Variants in SAFB2 observed in about 807,000 individuals in gnomAD.
SAFB2 encodes scaffold attachment factor B2.
Under a neutral mutation model 100.6 loss-of-function variants are expected in SAFB2, and 32 were observed. The observed-to-expected ratio is 0.32, with a 90% CI of 0.24 to 0.43. The LOEUF is 0.43. Ranked by LOEUF, SAFB2 falls within the 20% of genes least tolerant of loss-of-function variation. SAFB2 has a pLI of 1.00. For missense variants in SAFB2, 1,185 were observed against 1,163.4 expected, an observed-to-expected ratio of 1.02 and a Z score of -0.27; for synonymous variants, 500 against 439.4, an observed-to-expected ratio of 1.14 and a Z score of -1.72.
chr19:5,600,887 G>A (rs1159650111), intron 11 of SAFB2, among the ~76,000 whole-genome samples: 2 of 152,116 alleles, frequency 1.3e-5, no homozygotes, highest in Non-Finnish European at 2.9e-5. Flanking sequence ...AATCATCTTC[G>A]CCACTCAAAC....
intron 15 of SAFB2, 36 bp from the exon 16 acceptor site, chr19:5,592,923 T>C (rs1206428078): frequency 6.2e-7 from 1 of 1,604,718 alleles, no homozygotes. Flanking sequence ...ACAAATTCCA[T>C]TAATGAGAGA....
chr19:5,587,252 G>A lies in SAFB2; in HGVS notation c.2853C>T (p.Arg951=). Residue 951 remains arginine, a synonymous_variant, in exon 21 of 21, where the codon CGC becomes CGT. Transcript: ENST00000252542. The surrounding 1 kb of genome is among the most constrained non-coding windows in gnomAD (Gnocchi z 4.9). ...TCGCAGCGAGTGGGACTTAGTAGCG[G>A]CGGGTGAAGTGGGGGTACGGGGGGG... The part of the protein sequence containing the change: ...PHPPPYPHFT[R]RY The A allele has an allele frequency of 1.2e-6, 2 of 1,612,716 alleles. No homozygotes were observed. The highest frequency in any genetic ancestry group is 1.7e-6 in the Non-Finnish European group (2 of 1,179,514).
chr19:5,616,701 G>A (rs1418417770), intron 2 of SAFB2, among the ~76,000 whole-genome samples: 2 of 142,534 alleles, frequency 1.4e-5, no homozygotes, highest in East Asian at 4.1e-4. Flanking sequence ...ACCCAGGCTG[G>A]AGTGCAGCGG....
In SAFB2 at chr19:5,622,756, G is replaced by A. The variant is rs1323234473; in HGVS notation, c.-41C>T. On this transcript the variant is annotated 5_prime_UTR_variant, in exon 1 of 21. Coordinates refer to ENST00000252542, the MANE Select transcript of SAFB2 (RefSeq NM_014649.3). ...TTCGCCACCGACTCAGTCGCACACC[G>A]CCGGCAGCTATAGCGGCTCTGAACA... The A allele has an allele frequency of 3.8e-6, 6 of 1,564,584 alleles. No homozygotes were observed. The highest frequency in any genetic ancestry group is 5.2e-6 in the Non-Finnish European group (6 of 1,160,040).
chr19:5,615,650 T>C (rs1485664567), intron 4 of SAFB2, among the ~76,000 whole-genome samples: 2 of 151,898 alleles, frequency 1.3e-5, no homozygotes, highest in African/African-American at 4.8e-5. Context: ...TGCAGTGAAT[T>C]ATGATGACCC....
chr19:5,588,672 G>A (rs1368537301), intron 18 of SAFB2, among the ~76,000 whole-genome samples: 1 of 152,094 alleles, frequency 6.6e-6, no homozygotes, highest in Non-Finnish European at 1.5e-5. Context: ...GACTCAAGAC[G>A]GCAAATCCAG....
At chr19:5,598,504 T>A (rs1333992325) in intron 13 of SAFB2, 11 of 431,142 alleles carry the variant, frequency 2.6e-5, no homozygotes, top group Non-Finnish European at 3.0e-5. Flanking sequence ...AAAGCCTGGG[T>A]CTGGCCCATC....
chr19:5,610,008 C>T lies in SAFB2; in HGVS notation c.1283G>A (p.Ser428Asn), dbSNP rs2052872668. 10 of 1,613,986 alleles carry T rather than the reference C, an allele frequency of 6.2e-6. No individual in the cohort carries two copies. Among genetic ancestry groups the T allele is most frequent in the Non-Finnish European group, 8.5e-6 (10 of 1,179,922 alleles). Reference protein sequence around the residue: ...TRATDLKNLFSKYGKVVGAKV... With the variant: ...TRATDLKNLFNKYGKVVGAKV... ...GGGAAGGCATACCTTCCCATACTTG[C>T]TGAAAAGGTTCTTGAGATCCGTAGC... Residue 428 changes from serine (S) to asparagine (N), a missense_variant, in exon 9 of 21, where the codon AGC becomes AAC. Around this residue, in one of 3 missense-constraint regions of SAFB2, gnomAD observed 94 missense variants for 135.1 expected, o/e 0.70. Coordinates refer to ENST00000252542, the MANE Select transcript of SAFB2 (RefSeq NM_014649.3).
At chr19:5,607,875 A>G (rs991809764) in intron 9 of SAFB2, among the ~76,000 whole-genome samples, 1 of 152,258 alleles carries the variant, frequency 6.6e-6, no homozygotes, top group African/African-American at 2.4e-5. Context: ...TGGAGGAGTC[A>G]AGGCTCTGCC....
rs754638228 is a variant in SAFB2, at chr19:5,590,356, C to T, written c.2447G>A (p.Arg816Gln). 27 of 1,611,570 alleles carry T rather than the reference C, an allele frequency of 1.7e-5. No individual in the cohort carries two copies. Among genetic ancestry groups the T allele is most frequent in the East Asian group, 4.5e-5 (2 of 44,764 alleles). ...GHGGPPERHG[R>Q]DSRDGWGGYG... ...GCCCCCCCAGCCATCACGGGAGTCC[C>T]GGCCGTGGCGCTCTGGGGGTCCTCC... Residue 816 changes from arginine (R) to glutamine (Q), a missense_variant, in exon 18 of 21, where the codon CGG (arginine) becomes CAG (glutamine). By Grantham distance (43) the Arg-to-Gln change is conservative. This residue lies in a region of SAFB2 where 740 missense variants were observed against 687.1 expected (regional missense o/e 1.08). Transcript: ENST00000252542.
intron 14 of SAFB2, 120 bp from the exon 15 acceptor site, chr19:5,594,298 G>C (rs949439097): frequency 2.1e-5 from 27 of 1,283,660 alleles, no homozygotes; most frequent in Admixed American, 5.9e-5. Flanking sequence ...AAAGCTCACC[G>C]GGCTTCCCTA....
chr19:5,613,178 C>T (rs1392757522), intron 5 of SAFB2, among the ~76,000 whole-genome samples: 2 of 152,186 alleles, frequency 1.3e-5, no homozygotes, highest in African/African-American at 4.8e-5. Context: ...CCCTCTTCAA[C>T]CTATCCGTCA....
Position 5,593,993 on chromosome 19 carries a change from T to TGCTCCTTCCTGCGCTCAC in SAFB2, c.2087_2104dup (p.Arg696_Glu701dup), listed in dbSNP as rs2052478025. 4.5e-6 allele frequency: 7 copies of TGCTCCTTCCTGCGCTCAC among 1,558,996 alleles called. No homozygotes were observed. The highest frequency in any genetic ancestry group is 6.0e-6 in the Non-Finnish European group (7 of 1,159,258). On this transcript the variant is annotated inframe_insertion, in exon 15 of 21. Coordinates refer to ENST00000252542, the MANE Select transcript of SAFB2 (RefSeq NM_014649.3). ...CTCGCGCTCGCGGTGGATGCGCTCCTGCTCCTTCCTGCGCTCACGCTCCAC... is the reference window on the plus strand; with the variant it reads ...CTCGCGCTCGCGGTGGATGCGCTCCTGCTCCTTCCTGCGCTCACGCTCCTTCCTGCGCTCACGCTCCAC...
rs536550052 is a variant in SAFB2, at chr19:5,591,985, A to C, written c.2349-192T>G. On this transcript the variant is annotated intron_variant, in intron 16 of 20. Coordinates refer to ENST00000252542, the MANE Select transcript of SAFB2 (RefSeq NM_014649.3). ...GGGGGCAGAAACGAAGTTGGATCCT[A>C]AAGAGGTAGGAATAAAGATCTCACT... is the stretch of plus-strand genomic sequence containing the variant. Among the ~76,000 whole-genome samples the C allele has an allele frequency of 1.1e-4, 17 of 152,344 alleles. No individual in the cohort carries two copies. In the South Asian group the frequency reaches 1.9e-3, roughly 17 times the overall value.
chr19:5,593,554 A>G, intron 15 of SAFB2: 1 of 252,038 alleles, frequency 4.0e-6, no homozygotes, highest in Non-Finnish European at 7.5e-6. Flanking sequence ...ACTTGGGCCT[A>G]ACGGGCGTTC....
intron 17 of SAFB2, 68 bp downstream of exon 17, chr19:5,591,680 A>C: frequency 2.6e-6 from 4 of 1,515,298 alleles, no homozygotes; most frequent in South Asian, 1.1e-5. Flanking sequence ...CCGCCTGGCT[A>C]GAAATGGTCC....
chr19:5,604,605 A>G lies in SAFB2; in HGVS notation c.1537T>C (p.Ser513Pro), dbSNP rs1451451340. The change falls in exon 11 of 21, where the codon TCT (serine) becomes CCT (proline). Residue 513 changes from serine to proline, a missense_variant. Coordinates refer to ENST00000252542, the MANE Select transcript of SAFB2 (RefSeq NM_014649.3). ...EKLSSVDRHH[S>P]VEIKIEKTVI... ...TACTTTTCAATTTTGATCTCCACAG[A>G]ATGATGTCTGTCGACACTCGATAAT... The G allele has an allele frequency of 1.2e-6, 2 of 1,613,966 alleles. No homozygotes were observed. Among genetic ancestry groups the G allele is most frequent in the Admixed American group, 1.7e-5 (1 of 60,024 alleles).
chr19:5,599,827 G>C (rs1366481003), intron 12 of SAFB2, among the ~76,000 whole-genome samples: 1 of 152,090 alleles, frequency 6.6e-6, no homozygotes, highest in Non-Finnish European at 1.5e-5. Flanking sequence ...AAGAAACTCG[G>C]ACAACTCACT....
At chr19:5,621,827 G>A (rs2061461984) in intron 1 of SAFB2, among the ~76,000 whole-genome samples, 1 of 152,246 alleles carries the variant, frequency 6.6e-6, no homozygotes. Context: ...CCTGCCACCT[G>A]CCGGGTCCAG....
Sources: allele counts gnomAD v4.1 joint callset (sites outside exome capture counted in the v4.1 genomes callset), GRCh38; gene constraint gnomAD v4.1.1; regional missense constraint gnomAD v4.1.1; non-coding constraint Gnocchi (gnomAD v3.1); transcripts MANE v1.5; gene names NCBI Gene and HGNC (gene_info 2026-07-23, HGNC 2026-07-21).